Variants in XIRP2 observed in about 807,000 individuals in gnomAD.
The protein encoded by XIRP2 is xin actin binding repeat containing 2.
In XIRP2, 236 loss-of-function variants were observed where a neutral mutation model predicts 277.0. The ratio of observed to expected loss-of-function variants is 0.85; its 90% confidence interval spans 0.77 to 0.95. XIRP2 has a LOEUF of 0.95. XIRP2 is among the 40% of genes least tolerant of loss of function. The pLI is 0.00. For synonymous variants in XIRP2, 1,490 were observed against 1,416.5 expected (o/e 1.05, Z -1.17); for missense variants, 4,640 against 4,157.5 (o/e 1.12, Z -3.19).
At chr2:167,015,421 T>C (rs1196852343) in intron 2 of XIRP2, among the ~76,000 whole-genome samples, 1 of 128,690 alleles carries the variant, frequency 7.8e-6, no homozygotes, top group African/African-American at 3.0e-5. Flanking sequence ...CTGTCTTTTA[T>C]CTATCTATCT....
chr2:166,981,911 T>C lies in XIRP2; in HGVS notation c.408+78021T>C, dbSNP rs73970204. On this transcript the variant is annotated intron_variant, in intron 2 of 10. Coordinates refer to ENST00000409195, the MANE Select transcript of XIRP2 (RefSeq NM_152381.6). ...TACTTTAAATAAGATGAAAACATAT[T>C]TGTGTTTTCTCATACTCTTCTTTCT... is the stretch of plus-strand genomic sequence containing the variant. Among the ~76,000 whole-genome samples, 485 of 152,284 alleles carry C rather than the reference T, an allele frequency of 3.2e-3. 4 individuals carry two copies. Among genetic ancestry groups the C allele is most frequent in the African/African-American group, 0.011 (460 of 41,562 alleles).
chr2:167,218,337 G>T, intron 5 of XIRP2, 37 bp downstream of exon 5: 1 of 1,373,844 alleles, frequency 7.3e-7, no homozygotes, highest in Non-Finnish European at 9.5e-7. Context: ...ATCAGGCATG[G>T]TTGAAATGCT....
intron 2 of XIRP2, among the ~76,000 whole-genome samples, chr2:166,979,831 C>A (rs1018134373): frequency 2.6e-5 from 4 of 152,050 alleles, no homozygotes; most frequent in Non-Finnish European, 5.9e-5. Flanking sequence ...AGCATATTGG[C>A]AAATGGTTTT....
At chr2:166,910,974 G>A (rs1160495664) in intron 2 of XIRP2, among the ~76,000 whole-genome samples, 6 of 152,196 alleles carry the variant, frequency 3.9e-5, no homozygotes, top group African/African-American at 9.7e-5. Flanking sequence ...TGTGGTCTGA[G>A]AGACAGGTGG....
At chr2:167,097,337 G>T (rs2105282283) in intron 2 of XIRP2, among the ~76,000 whole-genome samples, 1 of 151,918 alleles carries the variant, frequency 6.6e-6, no homozygotes, top group Non-Finnish European at 1.5e-5. Flanking sequence ...TTGGTTTAAA[G>T]TCTGTTTTAT....
At chr2:167,108,719 T>C (rs577190985) in intron 2 of XIRP2, among the ~76,000 whole-genome samples, 1 of 152,182 alleles carries the variant, frequency 6.6e-6, no homozygotes, top group Non-Finnish European at 1.5e-5. Flanking sequence ...TCCAACACTA[T>C]ACTTACATTT....
intron 2 of XIRP2, among the ~76,000 whole-genome samples, chr2:167,058,292 C>G (rs184605995): frequency 9.6e-4 from 146 of 151,910 alleles, no homozygotes; most frequent in African/African-American, 3.4e-3. Context: ...TCGCCATGTT[C>G]CCCAGGTGGG....
At chr2:167,181,552 G>T (rs1031026797) in intron 3 of XIRP2, among the ~76,000 whole-genome samples, 1 of 151,684 alleles carries the variant, frequency 6.6e-6, no homozygotes, top group South Asian at 2.1e-4. Context: ...TTAATTGAAG[G>T]TTGACAAGAA....
intron 6 of XIRP2, 131 bp from the exon 7 acceptor site, chr2:167,240,533 C>A: frequency 1.4e-6 from 1 of 700,388 alleles, no homozygotes; most frequent in Non-Finnish European, 2.5e-6. Flanking sequence ...ATGATAGCAG[C>A]TTAATTAGCA....
At chr2:167,185,262 T>C (rs1439738355) in intron 3 of XIRP2, among the ~76,000 whole-genome samples, 1 of 152,172 alleles carries the variant, frequency 6.6e-6, no homozygotes, top group Non-Finnish European at 1.5e-5. Context: ...TTGCTCTTAA[T>C]TATTACCAAT....
intron 2 of XIRP2, among the ~76,000 whole-genome samples, chr2:167,022,927 G>A (rs958242828): frequency 1.3e-5 from 2 of 152,102 alleles, no homozygotes; most frequent in Non-Finnish European, 2.9e-5. Flanking sequence ...GTGTGCATGT[G>A]TCTTTATAGC....
At chr2:167,085,965 G>A (rs1273526935) in intron 2 of XIRP2, among the ~76,000 whole-genome samples, 2 of 151,832 alleles carry the variant, frequency 1.3e-5, no homozygotes, top group Non-Finnish European at 1.5e-5. Flanking sequence ...ATTGTTATGT[G>A]TGAATTTGAT....
intron 2 of XIRP2, among the ~76,000 whole-genome samples, chr2:167,116,245 G>A (rs1040417803): frequency 1.1e-4 from 16 of 152,250 alleles, no homozygotes; most frequent in Admixed American, 1.0e-3. Flanking sequence ...TAAAAATCTT[G>A]AAGTATAATG....
rs768856221 is a variant in XIRP2, at chr2:166,903,840, G to T, written c.358G>T (p.Val120Leu). ...CATTGCCCTTGATGAGCTGAGGAGT[G>T]TGTTTGAGGCTCCTAAGAGTGGAAA... ...FSIALDELRS[V>L]FEAPKSGNKP... Residue 120 changes from valine to leucine, a missense_variant, in exon 2 of 11, where the codon GTG (valine) becomes TTG (leucine). Val to Leu is a conservative substitution (Grantham distance 32). Transcript: ENST00000409195. 1.9e-6 allele frequency: 3 copies of T among 1,613,650 alleles called. No homozygotes were observed. The East Asian group carries it at 6.7e-5, about 36-fold the overall frequency.
chr2:166,939,706 C>CAA (rs1553471919), intron 2 of XIRP2, among the ~76,000 whole-genome samples: 7 of 127,226 alleles, frequency 5.5e-5, no homozygotes, highest in African/African-American at 2.2e-4. Flanking sequence ...AAACAAAAAA[C>CAA]AAAAACAAAA....
chr2:166,940,759 T>A (rs1473773849), intron 2 of XIRP2, among the ~76,000 whole-genome samples: 1 of 152,180 alleles, frequency 6.6e-6, no homozygotes, highest in Non-Finnish European at 1.5e-5. Flanking sequence ...TGCAGAACAG[T>A]GAATATTGCT....
chr2:166,948,780 A>G (rs1207420470), intron 2 of XIRP2, among the ~76,000 whole-genome samples: 2 of 152,014 alleles, frequency 1.3e-5, no homozygotes, highest in African/African-American at 2.4e-5. Context: ...CCACATGTCA[A>G]ATATTCATTT....
At chr2:167,162,839 T>C (rs141076757) in intron 3 of XIRP2, among the ~76,000 whole-genome samples, 92 of 152,246 alleles carry the variant, frequency 6.0e-4, no homozygotes, top group African/African-American at 2.2e-3. Flanking sequence ...AGCCCAGAAG[T>C]CCAGAAGTAA....
chr2:167,223,054 C>T (rs1694478082), intron 5 of XIRP2, among the ~76,000 whole-genome samples: 1 of 152,118 alleles, frequency 6.6e-6, no homozygotes, highest in Non-Finnish European at 1.5e-5. Flanking sequence ...CAGTCTAGGA[C>T]TTTCTTTGTG....
Sources: allele counts gnomAD v4.1 joint callset (sites outside exome capture counted in the v4.1 genomes callset), GRCh38; gene constraint gnomAD v4.1.1; transcripts MANE v1.5; gene names NCBI Gene and HGNC (gene_info 2026-07-23, HGNC 2026-07-21).